Variants in TMEM108 observed in about 807,000 individuals in gnomAD.
The protein encoded by TMEM108 is cancer/testis antigen 124.
TMEM108 carries 12 observed loss-of-function variants against 35.1 expected under a neutral mutation model. That is an observed-to-expected ratio of 0.34 (90% CI 0.22 to 0.55). The LOEUF is 0.55. TMEM108 is among the 20% of genes least tolerant of loss of function. TMEM108 has a pLI of 0.89. For missense variants in TMEM108, 680 were observed against 753.3 expected, an observed-to-expected ratio of 0.90 and a Z score of 1.14; for synonymous variants, 287 against 308.6, an observed-to-expected ratio of 0.93 and a Z score of 0.73.
intron 2 of TMEM108, among the ~76,000 whole-genome samples, chr3:133,189,898 G>A (rs1945474151): frequency 6.6e-6 from 1 of 152,112 alleles, no homozygotes; most frequent in Non-Finnish European, 1.5e-5. Flanking sequence ...CTTCAGCAAA[G>A]CATGATAAAG....
At chr3:133,268,777 A>G (rs1024846929) in intron 3 of TMEM108, among the ~76,000 whole-genome samples, 8 of 152,230 alleles carry the variant, frequency 5.3e-5, no homozygotes, top group Admixed American at 1.3e-4. Flanking sequence ...CTGAAGAACA[A>G]GATAGCTAAA....
chr3:133,087,986 C>T (rs1206323934), intron 2 of TMEM108, among the ~76,000 whole-genome samples: 3 of 152,256 alleles, frequency 2.0e-5, no homozygotes, highest in East Asian at 3.9e-4. Flanking sequence ...CTGGGTATTG[C>T]ACTCTTTTTG....
intron 3 of TMEM108, among the ~76,000 whole-genome samples, chr3:133,317,456 T>C (rs1358112348): frequency 6.6e-6 from 1 of 152,144 alleles, no homozygotes; most frequent in Non-Finnish European, 1.5e-5. Flanking sequence ...GAAATGAGAT[T>C]CTAAAAATTG....
rs147220047 is a variant in TMEM108 at position 133,362,566 on chromosome 3, G to A, written c.41-17186G>A. ...TTATCAGCTGTAACGCATTCATTTG[G>A]TAGGAGCCCAAAATAAAATAAAGGC... On this transcript the variant is annotated intron_variant, in intron 3 of 5. Transcript: ENST00000321871. Among the ~76,000 whole-genome samples the A allele has an allele frequency of 3.7e-4, 57 of 152,310 alleles. No individual in the cohort carries two copies. In the East Asian group the frequency reaches 5.4e-3, roughly 14 times the overall value.
intron 1 of TMEM108, among the ~76,000 whole-genome samples, chr3:133,038,688 T>C (rs1298188704): frequency 6.6e-6 from 1 of 152,182 alleles, no homozygotes; most frequent in African/African-American, 2.4e-5. Context: ...TCCGCCTTTG[T>C]TTCCCGCCTG....
At chr3:133,323,138 T>A (rs1163928326) in intron 3 of TMEM108, among the ~76,000 whole-genome samples, 4 of 152,108 alleles carry the variant, frequency 2.6e-5, no homozygotes, top group Non-Finnish European at 5.9e-5. Context: ...CTATTCAACA[T>A]AGTACTAAAA....
At chr3:133,113,425 G>A (rs1388158686) in intron 2 of TMEM108, among the ~76,000 whole-genome samples, 1 of 152,092 alleles carries the variant, frequency 6.6e-6, no homozygotes, top group Non-Finnish European at 1.5e-5. Flanking sequence ...GAGGATAAGT[G>A]GAACCCTTCA....
chr3:133,072,114 A>C (rs1487573365), intron 2 of TMEM108, among the ~76,000 whole-genome samples: 1 of 152,086 alleles, frequency 6.6e-6, no homozygotes, highest in Admixed American at 6.6e-5. Context: ...GAATCATTTG[A>C]CCATGCACAA....
At chr3:133,347,429 T>C (rs2071855471) in intron 3 of TMEM108, among the ~76,000 whole-genome samples, 2 of 152,112 alleles carry the variant, frequency 1.3e-5, no homozygotes, top group Non-Finnish European at 2.9e-5. Flanking sequence ...AGTGTTGTGT[T>C]TTTCATTTTA....
intron 3 of TMEM108, among the ~76,000 whole-genome samples, chr3:133,317,304 A>G (rs953450199): frequency 3.9e-5 from 6 of 152,238 alleles, no homozygotes; most frequent in Non-Finnish European, 8.8e-5. Context: ...TTGATACAAG[A>G]TACTTGACAG....
intron 3 of TMEM108, among the ~76,000 whole-genome samples, chr3:133,289,735 A>AT (rs1214177482): frequency 6.6e-6 from 1 of 152,076 alleles, no homozygotes; most frequent in African/African-American, 2.4e-5. Context: ...TTTATATGTA[A>AT]TTTTTTTCAA....
In TMEM108 at chr3:133,308,437, C is replaced by T. The variant is rs111970651; in HGVS notation, c.41-71315C>T. Reference sequence around the variant, plus strand: ...TGAGAGAGGGCATCCTTGTCTTGTGCTGGTTATCAAAGGGAATGCTTCCAG... The same window carrying T: ...TGAGAGAGGGCATCCTTGTCTTGTGTTGGTTATCAAAGGGAATGCTTCCAG... On this transcript the variant is annotated intron_variant, in intron 3 of 5. Coordinates refer to ENST00000321871, the MANE Select transcript of TMEM108 (RefSeq NM_023943.4). Among the ~76,000 whole-genome samples, 24 of 152,234 alleles carry T rather than the reference C, an allele frequency of 1.6e-4. 1 individual carries two copies. The highest frequency in any genetic ancestry group is 5.8e-4 in the African/African-American group (24 of 41,514).
At chr3:133,311,084 A>T (rs1316986104) in intron 3 of TMEM108, among the ~76,000 whole-genome samples, 1 of 152,190 alleles carries the variant, frequency 6.6e-6, no homozygotes, top group Non-Finnish European at 1.5e-5. Context: ...GCTTCTGCTG[A>T]GAGATCTGCT....
At chr3:133,359,945 A>T (rs1559926088) in intron 3 of TMEM108, among the ~76,000 whole-genome samples, 1 of 150,788 alleles carries the variant, frequency 6.6e-6, no homozygotes, top group African/African-American at 2.4e-5. Flanking sequence ...TCAGCTGTTT[A>T]TCATCAGATG....
chr3:133,311,457 G>A (rs11708145), intron 3 of TMEM108, among the ~76,000 whole-genome samples: 51,452 of 151,798 alleles, frequency 0.34, 9,084 homozygotes, highest in East Asian at 0.48. Flanking sequence ...TTATTTCATT[G>A]ATTTGATCCT....
chr3:133,383,741 G>A (rs1225764916), intron 4 of TMEM108, among the ~76,000 whole-genome samples: 1 of 152,202 alleles, frequency 6.6e-6, no homozygotes, highest in Non-Finnish European at 1.5e-5. Flanking sequence ...CACCCTGAAA[G>A]GAGCCTTCAG....
At chr3:133,070,690 C>G (rs1386482883) in intron 2 of TMEM108, among the ~76,000 whole-genome samples, 1 of 151,724 alleles carries the variant, frequency 6.6e-6, no homozygotes, top group Non-Finnish European at 1.5e-5. Flanking sequence ...ACAGAAAAAC[C>G]ATTTTGTTTC....
At chr3:133,296,890 G>A (rs1470864895) in intron 3 of TMEM108, among the ~76,000 whole-genome samples, 1 of 152,062 alleles carries the variant, frequency 6.6e-6, no homozygotes, top group Admixed American at 6.6e-5. Context: ...AAGAATAGAG[G>A]GTACTAGCCA....
At chr3:133,158,465 T>TAAAAAAAAAAAAAAAAAAAAAAA (rs11328701) in intron 2 of TMEM108, among the ~76,000 whole-genome samples, 1 of 80,652 alleles carries the variant, frequency 1.2e-5, no homozygotes, top group African/African-American at 4.9e-5. Context: ...AGACTCTGTC[T>TAAAAAAAAAAAAAAAAAAAAAAA]AAAAAAAAAA....
Sources: gnomAD v4.1 joint callset for allele counts (sites outside exome capture counted in the v4.1 genomes callset) on GRCh38, gnomAD v4.1.1 for gene constraint, MANE v1.5 for transcripts, NCBI Gene and HGNC (gene_info 2026-07-23, HGNC 2026-07-21) for gene names.